The following CD55 variants were observed in gnomAD, a reference collection of about 807,000 sequenced individuals.
The protein encoded by CD55 is CD55 molecule (Cromer blood group), also known as complement decay-accelerating factor.
CD55 carries 41 observed loss-of-function variants against 45.8 expected under a neutral mutation model. That is an observed-to-expected ratio of 0.90 (90% CI 0.70 to 1.16). The LOEUF is 1.16. CD55 is among the 50% of genes most tolerant of loss of function. The pLI, the probability that CD55 is intolerant of heterozygous loss-of-function variation, is 0.00. For missense variants in CD55, 416 were observed against 469.8 expected (o/e 0.89, Z 1.06); for synonymous variants, 181 against 181.1 (o/e 1.00, Z 0.01).
chr1:207,347,411 C>T, intron 9 of CD55: 1 of 351,162 alleles, frequency 2.8e-6, no homozygotes, highest in Non-Finnish European at 5.6e-6. Context: ...AGGCGCCTGC[C>T]ACCACACCCG....
chr1:207,343,039 G>A (rs991843890), intron 9 of CD55, among the ~76,000 whole-genome samples: 1 of 151,940 alleles, frequency 6.6e-6, no homozygotes, highest in Admixed American at 6.6e-5. Flanking sequence ...CAGTTGTAAT[G>A]TCTCTTTTTT....
At chr1:207,342,666 G>C (rs747853572) in intron 9 of CD55, among the ~76,000 whole-genome samples, 1 of 152,000 alleles carries the variant, frequency 6.6e-6, no homozygotes, top group Non-Finnish European at 1.5e-5. Context: ...TGTTGTTCTT[G>C]TTGTGTTCTT....
intron 9 of CD55, among the ~76,000 whole-genome samples, chr1:207,345,431 T>C (rs1254352206): frequency 1.3e-5 from 2 of 152,074 alleles, no homozygotes; most frequent in African/African-American, 4.8e-5. Flanking sequence ...TATATGTATC[T>C]TTTTTTGATA....
chr1:207,324,846 T>G, intron 3 of CD55, 96 bp downstream of exon 3: 1 of 630,744 alleles, frequency 1.6e-6, no homozygotes, highest in Non-Finnish European at 2.6e-6. Flanking sequence ...GTGTATATAT[T>G]ATTATATAGG....
chr1:207,331,359 C>A, intron 6 of CD55, 63 bp downstream of exon 6: 2 of 1,309,346 alleles, frequency 1.5e-6, no homozygotes, highest in South Asian at 1.3e-5. Context: ...ATGTGGGTTG[C>A]AGACATTCAA....
At chr1:207,335,091 T>C (rs1434373595) in intron 6 of CD55, among the ~76,000 whole-genome samples, 1 of 152,188 alleles carries the variant, frequency 6.6e-6, no homozygotes, top group Non-Finnish European at 1.5e-5. Flanking sequence ...AACAGTAATA[T>C]ATCATAATCT....
intron 9 of CD55, among the ~76,000 whole-genome samples, chr1:207,351,341 G>A (rs1655859906): frequency 6.6e-6 from 1 of 152,182 alleles, no homozygotes; most frequent in South Asian, 2.1e-4. Context: ...GTAATGTTAT[G>A]TAGATGTCTG....
chr1:207,359,025 G>A (rs911357909), intron 9 of CD55, among the ~76,000 whole-genome samples: 12 of 152,014 alleles, frequency 7.9e-5, no homozygotes, highest in African/African-American at 2.9e-4. Context: ...AGTTTTCAAT[G>A]TTTAAGAAAA....
At chr1:207,341,638 G>A (rs533967571) in intron 9 of CD55, among the ~76,000 whole-genome samples, 11 of 152,214 alleles carry the variant, frequency 7.2e-5, no homozygotes, top group African/African-American at 1.2e-4. Context: ...CCAATACCAT[G>A]CTGTTTTTGG....
intron 9 of CD55, among the ~76,000 whole-genome samples, chr1:207,350,766 T>C (rs1037224049): frequency 6.6e-6 from 1 of 152,182 alleles, no homozygotes; most frequent in Non-Finnish European, 1.5e-5. Context: ...TAGCTAGTTG[T>C]CTATCAATCT....
At chr1:207,354,530 A>G (rs1656006800) in intron 9 of CD55, among the ~76,000 whole-genome samples, 1 of 152,164 alleles carries the variant, frequency 6.6e-6, no homozygotes, top group Non-Finnish European at 1.5e-5. Flanking sequence ...TTCTAACATT[A>G]TGTTATTTTC....
chr1:207,346,050 G>A (rs965747190), intron 9 of CD55, among the ~76,000 whole-genome samples: 7 of 152,250 alleles, frequency 4.6e-5, no homozygotes, highest in African/African-American at 1.4e-4. Flanking sequence ...GTCTCCAGGT[G>A]GCTCACTTGG....
intron 2 of CD55, 84 bp downstream of exon 2, chr1:207,322,651 A>G (rs112362936): frequency 1.7e-5 from 20 of 1,166,238 alleles, no homozygotes; most frequent in African/African-American, 1.6e-5. Context: ...GTGACTAGTA[A>G]TTGATAGTTC....
chr1:207,337,359 C>T lies in CD55; in HGVS notation c.1010C>T (p.Thr337Ile), dbSNP rs752459253. The change falls in exon 8 of 10, where the codon ACC (threonine) becomes ATC (isoleucine). Residue 337 changes from threonine to isoleucine, a missense_variant. Thr to Ile is a moderately conservative substitution (Grantham distance 89, BLOSUM62 -1). Transcript: ENST00000367064. The stretch of plus-strand genomic sequence containing the variant: ...CGGAGTACACCTGTTTCCAGGACAA[C>T]CAAGCATTTTCATGAAACAACCCCA... The part of the protein sequence containing the change: ...ATRSTPVSRT[T>I]KHFHETTPNK... 1.2e-6 allele frequency: 2 copies of T among 1,611,654 alleles called. No individual in the cohort carries two copies. Among genetic ancestry groups the T allele is most frequent in the Non-Finnish European group, 1.7e-6 (2 of 1,177,828 alleles).
In CD55 at chr1:207,323,027, C is replaced by T. The variant is rs186900156; in HGVS notation, c.286+460C>T. On this transcript the variant is annotated intron_variant, in intron 2 of 9. Coordinates refer to ENST00000367064, the MANE Select transcript of CD55 (RefSeq NM_000574.5). The stretch of plus-strand genomic sequence containing the variant: ...GGTACATGTGATATTCTGGCACATG[C>T]ATACAGTGTGTCATGATCAATCAGG... 1.9e-3 allele frequency among the ~76,000 whole-genome samples: 294 copies of T among 152,160 alleles called. 4 individuals carry two copies. Among genetic ancestry groups the T allele is most frequent in the East Asian group, 4.6e-3 (24 of 5,182 alleles).
At chr1:207,325,016 T>A (rs1259207715) in intron 3 of CD55, among the ~76,000 whole-genome samples, 1 of 152,130 alleles carries the variant, frequency 6.6e-6, no homozygotes, top group African/African-American at 2.4e-5. Context: ...TTTTCAAAAC[T>A]TATTATAAAG....
At position 207,337,355 on chromosome 1, in the gene CD55, A is replaced by T. The variant is rs759993809; in HGVS notation, c.1006A>T (p.Thr336Ser). 1 of 1,611,494 alleles carries T rather than the reference A, an allele frequency of 6.2e-7. No homozygotes were observed. The highest frequency in any genetic ancestry group is 1.1e-5 in the South Asian group (1 of 91,028). The part of the protein sequence containing the change: ...QATRSTPVSR[T>S]TKHFHETTPN... ...AACACGGAGTACACCTGTTTCCAGGACAACCAAGCATTTTCATGAAACAAC... is the reference window on the plus strand; with the variant it reads ...AACACGGAGTACACCTGTTTCCAGGTCAACCAAGCATTTTCATGAAACAAC... The change falls in exon 8 of 10, where the codon ACA becomes TCA. Residue 336 changes from threonine to serine, a missense_variant. By Grantham distance (58) the Thr-to-Ser change is moderately conservative (BLOSUM62 1). This residue lies in a region of CD55 where 182 missense variants were observed against 201.4 expected (regional missense o/e 0.90). Coordinates refer to ENST00000367064, the MANE Select transcript of CD55 (RefSeq NM_000574.5).
chr1:207,345,151 C>T (rs923230338), intron 9 of CD55, among the ~76,000 whole-genome samples: 3 of 152,172 alleles, frequency 2.0e-5, no homozygotes, highest in Non-Finnish European at 4.4e-5. Context: ...TTCACTTTCT[C>T]TTCACCTTCT....
intron 9 of CD55, 104 bp downstream of exon 9, chr1:207,339,521 AT>A (rs1353830596): frequency 1.1e-6 from 1 of 908,032 alleles, no homozygotes; most frequent in Non-Finnish European, 1.7e-6. Context: ...AAAAAAATGT[AT>A]CCTGCAATTT....
Sources: gnomAD v4.1 joint callset for allele counts (sites outside exome capture counted in the v4.1 genomes callset) on GRCh38, gnomAD v4.1.1 for gene constraint, gnomAD v4.1.1 regional missense constraint, MANE v1.5 for transcripts, NCBI Gene and HGNC (gene_info 2026-07-23, HGNC 2026-07-21) for gene names.